Variants in SLC14A2 observed in about 807,000 individuals in gnomAD.
SLC14A2 encodes urea transporter 2.
In SLC14A2, 91 loss-of-function variants were observed where a neutral mutation model predicts 104.6. The ratio of observed to expected loss-of-function variants is 0.87; its 90% CI spans 0.73 to 1.04. The LOEUF (loss-of-function observed/expected upper bound fraction) is 1.04. SLC14A2 is among the 50% of genes least tolerant of loss of function. SLC14A2 has a pLI of 0.00. For missense variants in SLC14A2, 1,189 were observed against 1,156.0 expected (o/e 1.03, Z -0.41); for synonymous variants, 476 against 466.4 (o/e 1.02, Z -0.27).
chr18:45,619,000 A>C (rs577320316), intron 1 of SLC14A2, among the ~76,000 whole-genome samples: 1 of 152,338 alleles, frequency 6.6e-6, no homozygotes, highest in South Asian at 2.1e-4. Flanking sequence ...AGCAGGAGCC[A>C]CAGTTTTTCT....
chr18:45,434,248 G>A (rs898218808), intron 1 of SLC14A2, among the ~76,000 whole-genome samples: 1 of 152,090 alleles, frequency 6.6e-6, no homozygotes, highest in Non-Finnish European at 1.5e-5. Flanking sequence ...CACAAAGCCG[G>A]TCCTTAAGAA....
At position 45,677,914 on chromosome 18, in the gene SLC14A2, GCTCAAGCCATCCTCCTGC is replaced by G. The variant is rs568350391; in HGVS notation, c.2513-1056_2513-1039del. On this transcript the variant is annotated intron_variant, in intron 18 of 19. Coordinates refer to ENST00000255226, the MANE Select transcript of SLC14A2 (RefSeq NM_007163.4). ...GTTCATTGCAGCCTCAAACTTCCGGGCTCAAGCCATCCTCCTGCCTCAGCCTCCCAAGTAGCTGAGATT... is the reference window on the plus strand; with the variant it reads ...GTTCATTGCAGCCTCAAACTTCCGGGCTCAGCCTCCCAAGTAGCTGAGATT... Among the ~76,000 whole-genome samples, 291 of 152,272 alleles carry G rather than the reference GCTCAAGCCATCCTCCTGC, an allele frequency of 1.9e-3. 1 individual carries two copies. Among genetic ancestry groups the G allele is most frequent in the Middle Eastern group, 0.014 (4 of 294 alleles).
chr18:45,516,225 C>G (rs1207368423), intron 2 of SLC14A2, among the ~76,000 whole-genome samples: 1 of 152,074 alleles, frequency 6.6e-6, no homozygotes, highest in African/African-American at 2.4e-5. Flanking sequence ...CTACTGTTTC[C>G]CTTCCTTCCT....
chr18:45,198,868 AT>A, the SLC14A2 span, among the ~76,000 whole-genome samples: 35,564 of 151,972 alleles, frequency 0.23, 4,512 homozygotes, highest in Non-Finnish European at 0.3. Context: ...AGAGAAGCAT[AT>A]TTTCTCAATT....
At chr18:45,303,440 A>G (rs1273668669) in intron 1 of SLC14A2, among the ~76,000 whole-genome samples, 3 of 152,212 alleles carry the variant, frequency 2.0e-5, no homozygotes, top group Non-Finnish European at 4.4e-5. Context: ...CAGAGTCCTC[A>G]GGCCATATTC....
the SLC14A2 span, among the ~76,000 whole-genome samples, chr18:45,182,081 A>G: frequency 1.1e-5 from 1 of 89,780 alleles, no homozygotes; most frequent in Non-Finnish European, 3.0e-5. Flanking sequence ...GCAATAAGAA[A>G]TGAAAGTAAT....
chr18:45,546,663 T>A (rs1420216367), intron 2 of SLC14A2, among the ~76,000 whole-genome samples: 1 of 152,218 alleles, frequency 6.6e-6, no homozygotes, highest in South Asian at 2.1e-4. Context: ...TGATTTCAAA[T>A]CTATCACTCA....
intron 1 of SLC14A2, among the ~76,000 whole-genome samples, chr18:45,442,506 T>C (rs2086696549): frequency 6.6e-6 from 1 of 152,190 alleles, no homozygotes; most frequent in Non-Finnish European, 1.5e-5. Flanking sequence ...ATTCTCCCTT[T>C]GTGTATGTCT....
At chr18:45,263,929 C>T (rs888599085) in intron 1 of SLC14A2, among the ~76,000 whole-genome samples, 3 of 152,142 alleles carry the variant, frequency 2.0e-5, no homozygotes, top group African/African-American at 7.2e-5. Context: ...CATTTAGAAA[C>T]CAAGATCTGG....
At chr18:45,325,694 A>G (rs2085227790) in intron 1 of SLC14A2, among the ~76,000 whole-genome samples, 1 of 152,128 alleles carries the variant, frequency 6.6e-6, no homozygotes, top group South Asian at 2.1e-4. Context: ...CTTGGTGAGT[A>G]TTCAGTCTGT....
At chr18:45,190,617 AAT>A in the SLC14A2 span, among the ~76,000 whole-genome samples, 1 of 152,288 alleles carries the variant, frequency 6.6e-6, no homozygotes, top group African/African-American at 2.4e-5. Context: ...CCTGGTTTGT[AAT>A]AGAGATGGGC....
intron 1 of SLC14A2, among the ~76,000 whole-genome samples, chr18:45,432,430 G>T (rs1286717751): frequency 6.6e-6 from 1 of 152,194 alleles, no homozygotes; most frequent in Non-Finnish European, 1.5e-5. Flanking sequence ...GAATACTTCA[G>T]TCCCTAATAA....
chr18:45,599,839 T>A (rs1008142705), intron 2 of SLC14A2, among the ~76,000 whole-genome samples: 2 of 152,138 alleles, frequency 1.3e-5, no homozygotes, highest in Non-Finnish European at 2.9e-5. Flanking sequence ...CTTACATGGA[T>A]GTCAGCAGGC....
rs186208670 is a variant in SLC14A2, at chr18:45,525,730, G to A, written c.-35+42408G>A. On this transcript the variant is annotated intron_variant, in intron 2 of 20. Transcript: ENST00000586448. ...GATGATGCTTCCTAAGAGCAGGAGT[G>A]TATTTTCTGTTTGTGTCCATATGAA... Among the ~76,000 whole-genome samples the A allele has an allele frequency of 2.4e-4, 36 of 152,272 alleles. No homozygotes were observed. In the East Asian group the frequency reaches 6.9e-3, roughly 29 times the overall value.
At chr18:45,307,871 G>C (rs1291725762) in intron 1 of SLC14A2, among the ~76,000 whole-genome samples, 1 of 152,162 alleles carries the variant, frequency 6.6e-6, no homozygotes, top group Non-Finnish European at 1.5e-5. Flanking sequence ...AAAGAAAAAG[G>C]GTTGAACTGG....
intron 1 of SLC14A2, among the ~76,000 whole-genome samples, chr18:45,457,002 C>G (rs1237527511): frequency 1.3e-5 from 2 of 152,080 alleles, no homozygotes; most frequent in Non-Finnish European, 2.9e-5. Context: ...CCACAAGATA[C>G]AGGGACCTGG....
rs376189582 is a variant in SLC14A2, at chr18:45,637,198, G to A, written c.843+16G>A. ...AATGCCCCTGGTAAGTTACCCAGCG[G>A]TGATGAGTTGAGACCCCCATATTCC... is the stretch of plus-strand genomic sequence containing the variant. On this transcript the variant is annotated intron_variant, in intron 6 of 19. Coordinates refer to ENST00000255226, the MANE Select transcript of SLC14A2 (RefSeq NM_007163.4). The A allele has an allele frequency of 2.5e-6, 4 of 1,608,492 alleles. No individual in the cohort carries two copies. Among genetic ancestry groups the A allele is most frequent in the South Asian group, 2.2e-5 (2 of 90,452 alleles).
intron 1 of SLC14A2, among the ~76,000 whole-genome samples, chr18:45,423,011 C>T (rs1304961816): frequency 6.6e-6 from 1 of 152,160 alleles, no homozygotes; most frequent in Non-Finnish European, 1.5e-5. Flanking sequence ...AGGACAGGAG[C>T]CCCTCCATTA....
chr18:45,239,141 CT>C (rs934817529), intron 1 of SLC14A2, among the ~76,000 whole-genome samples: 2 of 152,170 alleles, frequency 1.3e-5, no homozygotes, highest in African/African-American at 4.8e-5. Context: ...TGAATCCACT[CT>C]TTAGGTTCTA....
Sources: gnomAD v4.1 joint callset for allele counts (sites outside exome capture counted in the v4.1 genomes callset) on GRCh38, gnomAD v4.1.1 for gene constraint, MANE v1.5 for transcripts, NCBI Gene and HGNC (gene_info 2026-07-23, HGNC 2026-07-21) for gene names.